The following KANSL1 variants were observed in gnomAD, a reference collection of about 807,000 sequenced individuals.
KANSL1 encodes MLL1/MLL complex subunit KANSL1.
Under a neutral mutation model 103.6 loss-of-function variants are expected in KANSL1, and 22 were observed. That is an observed-to-expected ratio of 0.21 (90% CI 0.15 to 0.30). The LOEUF (loss-of-function observed/expected upper bound fraction) is 0.30, where lower values mean the gene tolerates loss of function less well. Ranked by LOEUF, KANSL1 falls within the 10% of genes least tolerant of loss-of-function variation. The pLI is 1.00. For missense variants in KANSL1, 1,337 were observed against 1,399.8 expected, an observed-to-expected ratio of 0.96 and a Z score of 0.72; for synonymous variants, 600 against 527.6, an observed-to-expected ratio of 1.14 and a Z score of -1.88.
chr17:46,050,784 T>A, intron 6 of KANSL1, 80 bp from the exon 7 acceptor site: 1 of 1,323,404 alleles, frequency 7.6e-7, no homozygotes, highest in East Asian at 2.5e-5. Flanking sequence ...CCATTTGTTA[T>A]TGAGAAGTTA....
intron 3 of KANSL1, among the ~76,000 whole-genome samples, chr17:46,091,366 A>G (rs2079380704): frequency 6.6e-6 from 1 of 152,264 alleles, no homozygotes; most frequent in Non-Finnish European, 1.5e-5. Context: ...TTAAAAACTT[A>G]AAAGTTTATA....
intron 2 of KANSL1, among the ~76,000 whole-genome samples, chr17:46,160,984 T>C (rs2045705053): frequency 6.6e-6 from 1 of 152,228 alleles, no homozygotes; most frequent in African/African-American, 2.4e-5. Context: ...CTCATTGTAC[T>C]GTTGGAGGAT....
At chr17:46,041,906 GTGTGT>G (rs2077335000) in intron 7 of KANSL1, 4 of 131,200 alleles carry the variant, frequency 3.0e-5, no homozygotes, top group Non-Finnish European at 7.1e-5. Flanking sequence ...GTGTGTGTGT[GTGTGT>G]ATATTTTTTT....
rs565082119 is a variant in KANSL1 at position 46,185,118 on chromosome 17, C to T, written c.-90+7705G>A. ...CTGAGATTACAGGCATGAGCCGCCA[C>T]GCCTGGCCAACTATGTACTTCTTAA... is the stretch of plus-strand genomic sequence containing the variant. On this transcript the variant is annotated intron_variant, in intron 1 of 14. Transcript: ENST00000432791. 3.9e-5 allele frequency among the ~76,000 whole-genome samples: 6 copies of T among 152,316 alleles called. No homozygotes were observed. In the South Asian group the frequency reaches 1.0e-3, roughly 26 times the overall value.
chr17:46,052,042 A>G (rs1176325704), intron 6 of KANSL1, among the ~76,000 whole-genome samples: 2 of 152,122 alleles, frequency 1.3e-5, no homozygotes, highest in African/African-American at 2.4e-5. Context: ...GAAAAAAAAA[A>G]TCCCTGTATC....
Position 46,146,703 on chromosome 17 carries a change from G to T in KANSL1, c.1289+24152C>A. The stretch of plus-strand genomic sequence containing the variant: ...AAAAAATTAGCCGGGCGTAGTGGCG[G>T]GCGCCTGTAGTCCCAGCTACTTGGG... On this transcript the variant is annotated intron_variant, in intron 2 of 14. Transcript: ENST00000432791. Among the ~76,000 whole-genome samples the T allele has an allele frequency of 1.4e-5, 2 of 143,596 alleles. 1 individual carries two copies. Among genetic ancestry groups the T allele is most frequent in the Non-Finnish European group, 3.2e-5 (2 of 62,908 alleles). 94.2% of individuals were successfully genotyped at this position (143,596 alleles called of 152,430 possible). A position where few individuals can be genotyped will look rare whatever the true frequency, so the allele number is the denominator to read the frequency against.
chr17:46,196,089 T>G, upstream of KANSL1: 1 of 306,604 alleles, frequency 3.3e-6, no homozygotes, highest in Non-Finnish European at 6.4e-6. Flanking sequence ...AAACAAAATT[T>G]TAAATTAGCC....
chr17:46,128,556 C>A (rs1324679913), intron 2 of KANSL1, among the ~76,000 whole-genome samples: 2 of 152,184 alleles, frequency 1.3e-5, no homozygotes, highest in East Asian at 3.8e-4. Context: ...TGTCCTTGTA[C>A]AGTTGACAGT....
intron 2 of KANSL1, among the ~76,000 whole-genome samples, chr17:46,135,731 A>C (rs2044107597): frequency 8.0e-6 from 1 of 124,602 alleles, no homozygotes; most frequent in Non-Finnish European, 1.6e-5. Flanking sequence ...TGGTAGCGAC[A>C]GGGGCCTGCT....
At chr17:46,221,911 C>T (rs2048542931) in intron 1 of KANSL1, 1 of 152,130 alleles carries the variant, frequency 6.6e-6, no homozygotes, top group South Asian at 2.1e-4. Context: ...GTTCCCTCTC[C>T]CCACTTTTAT....
chr17:46,201,985 T>C (rs1468774951), intron 1 of KANSL1, among the ~76,000 whole-genome samples: 1 of 152,022 alleles, frequency 6.6e-6, no homozygotes, highest in Non-Finnish European at 1.5e-5. Context: ...CCAACCTGAG[T>C]AACAGAATCA....
At chr17:46,220,563 A>C (rs1395458071) in intron 1 of KANSL1, among the ~76,000 whole-genome samples, 1 of 152,396 alleles carries the variant, frequency 6.6e-6, no homozygotes, top group East Asian at 1.9e-4. Context: ...TACAAACATC[A>C]GAAAGTGTAA....
At chr17:46,190,142 CAG>C (rs2047242632) in intron 1 of KANSL1, among the ~76,000 whole-genome samples, 1 of 152,186 alleles carries the variant, frequency 6.6e-6, no homozygotes, top group Admixed American at 6.5e-5. Flanking sequence ...ACAGAAGACG[CAG>C]AGACACTGGT....
rs552000173 is a variant in KANSL1, at chr17:46,074,522, G to A, written c.1534-6855C>T. On this transcript the variant is annotated intron_variant, in intron 4 of 14. Coordinates refer to ENST00000432791, the MANE Select transcript of KANSL1 (RefSeq NM_015443.4). ...AAAATTATGAGTAAAAATATAATGA[G>A]CAACAGAATATTTACATAGTGTCTC... 2.6e-5 allele frequency among the ~76,000 whole-genome samples: 4 copies of A among 152,086 alleles called. No homozygotes were observed. In the South Asian group the frequency reaches 6.2e-4, roughly 24 times the overall value.
intron 4 of KANSL1, among the ~76,000 whole-genome samples, chr17:46,076,998 T>A (rs1054517373): frequency 1.3e-5 from 2 of 152,192 alleles, no homozygotes; most frequent in African/African-American, 4.8e-5. Flanking sequence ...TTTTCCAATT[T>A]CCATGCCTTT....
chr17:46,036,903 G>A (rs150043905), intron 10 of KANSL1, among the ~76,000 whole-genome samples: 1 of 152,026 alleles, frequency 6.6e-6, no homozygotes, highest in Admixed American at 6.6e-5. Flanking sequence ...GTAGGGATAG[G>A]GTTTCACCTT....
At chr17:46,059,306 T>G (rs1202818367) in intron 6 of KANSL1, among the ~76,000 whole-genome samples, 1 of 151,946 alleles carries the variant, frequency 6.6e-6, no homozygotes, top group African/African-American at 2.4e-5. Context: ...GAGACTAGAA[T>G]TAGATCTCAG....
intron 2 of KANSL1, among the ~76,000 whole-genome samples, chr17:46,141,335 A>G (rs1411173374): frequency 1.3e-5 from 2 of 152,220 alleles, no homozygotes; most frequent in East Asian, 3.9e-4. Context: ...AGACTAAATC[A>G]TTTCACAGAA....
intron 7 of KANSL1, chr17:46,044,983 A>C (rs1250225850): frequency 6.6e-6 from 1 of 152,200 alleles, no homozygotes; most frequent in Non-Finnish European, 1.5e-5. Flanking sequence ...ATATGGAATC[A>C]ATGAATCAAA....
Sources: gnomAD v4.1 joint callset for allele counts (sites outside exome capture counted in the v4.1 genomes callset) on GRCh38, gnomAD v4.1.1 for gene constraint, MANE v1.5 for transcripts, NCBI Gene and HGNC (gene_info 2026-07-23, HGNC 2026-07-21) for gene names.